The following B3GALNT2 variants were observed in gnomAD, a reference collection of about 807,000 sequenced individuals.
B3GALNT2 encodes UDP-GalNAc:beta-1,3-N-acetylgalactosaminyltransferase 2.
Under a neutral mutation model 61.1 loss-of-function variants are expected in B3GALNT2, and 53 were observed. The observed-to-expected ratio is 0.87, with a 90% CI of 0.70 to 1.09. The LOEUF is 1.09. Among genes scored for constraint, B3GALNT2 ranks in the 50% least tolerant of loss-of-function variants. The pLI is 0.00. For missense variants in B3GALNT2, 544 were observed against 623.0 expected (o/e 0.87, Z 1.35); for synonymous variants, 223 against 237.4 (o/e 0.94, Z 0.56).
chr1:235,490,273 C>A (rs943800926), intron 2 of B3GALNT2, among the ~76,000 whole-genome samples: 1 of 152,180 alleles, frequency 6.6e-6, no homozygotes, highest in Non-Finnish European at 1.5e-5. Context: ...CTCTGTCACC[C>A]AGGCTGGAAT....
chr1:235,443,038 T>A, downstream of B3GALNT2: 1 of 884,474 alleles, frequency 1.1e-6, no homozygotes, highest in Non-Finnish European at 1.8e-6. Flanking sequence ...TTTTCATTAG[T>A]CTTTTATATT....
intron 1 of B3GALNT2, among the ~76,000 whole-genome samples, chr1:235,502,022 A>T (rs982948692): frequency 1.3e-5 from 2 of 152,152 alleles, no homozygotes; most frequent in Non-Finnish European, 2.9e-5. Context: ...TAATTAATTA[A>T]TTATTTTGAG....
chr1:235,489,445 C>G (rs1461291217), intron 2 of B3GALNT2, among the ~76,000 whole-genome samples, 177 bp from the exon 3 acceptor site: 1 of 148,266 alleles, frequency 6.7e-6, no homozygotes, highest in Non-Finnish European at 1.5e-5. Context: ...AAGTTGCTAA[C>G]TACCAAGTTA....
At chr1:235,453,291 C>T (rs1683011972) in intron 10 of B3GALNT2, 145 bp from the exon 11 acceptor site, 1 of 763,678 alleles carries the variant, frequency 1.3e-6, no homozygotes, top group East Asian at 2.7e-5. Context: ...AAAATGGGTT[C>T]ACATGAAGTC....
intron 5 of B3GALNT2, 21 bp from the exon 6 acceptor site, chr1:235,470,981 G>T: frequency 6.2e-7 from 1 of 1,611,802 alleles, no homozygotes; most frequent in Non-Finnish European, 8.5e-7. Flanking sequence ...AAGATGAATA[G>T]TGAGTCAATT....
At chr1:235,468,956 C>G (rs1446122982) in intron 6 of B3GALNT2, among the ~76,000 whole-genome samples, 1 of 152,138 alleles carries the variant, frequency 6.6e-6, no homozygotes, top group African/African-American at 2.4e-5. Flanking sequence ...TAAACACCAT[C>G]TTTATTGTCC....
In B3GALNT2 at chr1:235,484,498, C is replaced by T. The variant is rs1226987181; in HGVS notation, c.379G>A (p.Glu127Lys). The change falls in exon 4 of 12, where the codon GAA becomes AAA. Residue 127 changes from glutamate to lysine, a missense_variant. By Grantham distance (56) the Glu-to-Lys change is moderately conservative (BLOSUM62 1). Coordinates refer to ENST00000366600, the MANE Select transcript of B3GALNT2 (RefSeq NM_152490.5). The part of the protein sequence containing the change: ...ITNPVLNQEI[E>K]AFSLSEDTSS... ...GTGTCTTCGGACAGACTGAACGCTT[C>T]AATTTCCTGATTCAAAACTAAGTAA... 1.2e-6 allele frequency: 2 copies of T among 1,613,812 alleles called. No individual in the cohort carries two copies. Among genetic ancestry groups the T allele is most frequent in the Admixed American group, 1.7e-5 (1 of 59,910 alleles).
chr1:235,500,148 T>G (rs1296574810), intron 1 of B3GALNT2, among the ~76,000 whole-genome samples: 1 of 152,158 alleles, frequency 6.6e-6, no homozygotes, highest in African/African-American at 2.4e-5. Context: ...CCTGAGAGTC[T>G]GGCAACCTGC....
chr1:235,500,942 T>G (rs1685552828), intron 1 of B3GALNT2, among the ~76,000 whole-genome samples: 1 of 152,176 alleles, frequency 6.6e-6, no homozygotes, highest in Admixed American at 6.5e-5. Flanking sequence ...CTCAATTTGT[T>G]TTCTGACCTT....
At chr1:235,482,828 C>CT (rs1684620738) in intron 4 of B3GALNT2, among the ~76,000 whole-genome samples, 1 of 151,836 alleles carries the variant, frequency 6.6e-6, no homozygotes, top group East Asian at 1.9e-4. Context: ...CCCTGTCAAA[C>CT]AACAACAAAA....
chr1:235,496,832 C>T (rs902812733), intron 1 of B3GALNT2, among the ~76,000 whole-genome samples: 4 of 152,228 alleles, frequency 2.6e-5, no homozygotes, highest in East Asian at 1.9e-4. Flanking sequence ...CGTGATCCAC[C>T]GTGCCTGGCC....
chr1:235,496,447 C>T (rs1685326806), intron 1 of B3GALNT2: 1 of 419,800 alleles, frequency 2.4e-6, no homozygotes, highest in Non-Finnish European at 3.3e-6. Context: ...ATGGATTAAG[C>T]TTATTAATAG....
the B3GALNT2 span, among the ~76,000 whole-genome samples, chr1:235,440,616 A>G: frequency 8.7e-5 from 13 of 148,904 alleles, no homozygotes; most frequent in African/African-American, 3.0e-4. Flanking sequence ...CTGGTCTCAA[A>G]CTCCTGAACT....
At chr1:235,445,050 A>G (rs1476451182), downstream of B3GALNT2, among the ~76,000 whole-genome samples, 1 of 152,238 alleles carries the variant, frequency 6.6e-6, no homozygotes, top group Admixed American at 6.5e-5. Flanking sequence ...CACTGCATTC[A>G]TGCTGTTTTT....
rs1258232313 is a variant in B3GALNT2 at position 235,474,968 on chromosome 1, TATATATATATA to T, written c.652-4019_652-4009del. Among the ~76,000 whole-genome samples the T allele has an allele frequency of 1.4e-3, 40 of 28,842 alleles. 1 individual carries two copies. The highest frequency in any genetic ancestry group is 6.6e-3 in the African/African-American group (37 of 5,578). 18.9% of individuals were successfully genotyped at this position (28,842 alleles called of 152,430 possible). ...TTAGAGACATATATATATATATATATATATATATATATATATATATTTTTTTTTTTTTTTTT... is the reference window on the plus strand; with the variant it reads ...TTAGAGACATATATATATATATATATTATATATATTTTTTTTTTTTTTTTT... On this transcript the variant is annotated intron_variant, in intron 5 of 11. Coordinates refer to ENST00000366600, the MANE Select transcript of B3GALNT2 (RefSeq NM_152490.5).
At chr1:235,447,101 G>A (rs941347673), downstream of B3GALNT2, among the ~76,000 whole-genome samples, 5 of 152,102 alleles carry the variant, frequency 3.3e-5, no homozygotes, top group African/African-American at 4.8e-5. Context: ...AAGCCAGTCC[G>A]TCTCAATCTT....
chr1:235,440,716 C>T, the B3GALNT2 span: 3 of 152,034 alleles, frequency 2.0e-5, no homozygotes, highest in African/African-American at 7.2e-5. Context: ...TTTTTAAAGC[C>T]CCCCAGGTAA....
At position 235,449,328 on chromosome 1, in the gene B3GALNT2, T is replaced by A. The variant is rs1682749510; in HGVS notation, c.*878A>T. On this transcript the variant is annotated 3_prime_UTR_variant, in exon 12 of 12. Transcript: ENST00000366600. ...AAGCTGAGTATATCTTCTTCTGTGA[T>A]AACCAGCTTTGATTGAAATGTACTC... 1 of 156,632 alleles carries A rather than the reference T, an allele frequency of 6.4e-6. No individual in the cohort carries two copies. Among genetic ancestry groups the A allele is most frequent in the South Asian group, 1.9e-4 (1 of 5,248 alleles). The allele number at this position is 156,632 out of a possible 1,614,324, so 9.7% of individuals were successfully genotyped here. A position where few individuals can be genotyped will look rare whatever the true frequency, so the allele number is the denominator to read the frequency against.
chr1:235,464,500 CCCT>C (rs1298230066), intron 7 of B3GALNT2: 3 of 151,014 alleles, frequency 2.0e-5, no homozygotes, highest in African/African-American at 7.3e-5. Flanking sequence ...CCTCCTCCCT[CCCT>C]CACTTCCCAC....
Sources: allele counts gnomAD v4.1 joint callset (sites outside exome capture counted in the v4.1 genomes callset), GRCh38; gene constraint gnomAD v4.1.1; transcripts MANE v1.5; gene names NCBI Gene and HGNC (gene_info 2026-07-23, HGNC 2026-07-21).